Variants in LEMD1 observed in about 807,000 individuals in gnomAD.
LEMD1 encodes LEM domain containing 1.
In LEMD1, 18 loss-of-function variants were observed where a neutral mutation model predicts 17.4. That is an observed-to-expected ratio of 1.04 (90% CI 0.72 to 1.54). The LOEUF is 1.54. LEMD1 is among the 40% of genes most tolerant of loss of function. LEMD1 has a pLI of 0.00. For synonymous variants in LEMD1, 88 were observed against 77.8 expected (o/e 1.13, Z -0.69); for missense variants, 195 against 210.4 (o/e 0.93, Z 0.45).
chr1:205,445,756 C>T (rs1373610210), intron 1 of LEMD1, among the ~76,000 whole-genome samples: 1 of 152,152 alleles, frequency 6.6e-6, no homozygotes, highest in Non-Finnish European at 1.5e-5. Context: ...GAGTGGGCAA[C>T]GTGACAGGCA....
At chr1:205,447,753 G>A (rs1293650593) in intron 1 of LEMD1, among the ~76,000 whole-genome samples, 2 of 83,408 alleles carry the variant, frequency 2.4e-5, no homozygotes, top group African/African-American at 6.7e-5. Flanking sequence ...CCTGTCGCCC[G>A]GGGGAGCGCC....
In LEMD1 at chr1:205,409,605, CTT is replaced by C. The variant is rs55893508; in HGVS notation, c.270+6625_270+6626del. 9.0e-3 allele frequency among the ~76,000 whole-genome samples: 1,308 copies of C among 145,842 alleles called. 12 individuals carry two copies. The highest frequency in any genetic ancestry group is 0.03 in the African/African-American group (1,184 of 39,848). On this transcript the variant is annotated intron_variant, in intron 4 of 5. Transcript: ENST00000367153. ...AACCCAGGCAGTCTGGCTCTACAGT[CTT>C]TTTTTTTTTTTAAGAGAAGGCCTCA...
chr1:205,411,691 GA>G (rs1665456420), intron 4 of LEMD1, among the ~76,000 whole-genome samples: 1 of 148,094 alleles, frequency 6.8e-6, no homozygotes, highest in Non-Finnish European at 1.5e-5. Flanking sequence ...AAGAAAGAAA[GA>G]AAGAAAAAGG....
At chr1:205,432,325 C>T (rs1315408216) in intron 1 of LEMD1, among the ~76,000 whole-genome samples, 1 of 152,192 alleles carries the variant, frequency 6.6e-6, no homozygotes, top group Non-Finnish European at 1.5e-5. Flanking sequence ...CCCGGTCTCC[C>T]ACCGGCTTGG....
chr1:205,391,936 C>T (rs192035920), intron 4 of LEMD1, among the ~76,000 whole-genome samples: 211 of 138,336 alleles, frequency 1.5e-3, no homozygotes, highest in Non-Finnish European at 2.5e-3. Context: ...GGTGAAACCT[C>T]GTCTCTACCG....
At chr1:205,431,183 A>G (rs1455107242) in intron 1 of LEMD1, among the ~76,000 whole-genome samples, 1 of 152,216 alleles carries the variant, frequency 6.6e-6, no homozygotes, top group Non-Finnish European at 1.5e-5. Flanking sequence ...CCAACACACA[A>G]GTGAACTAAT....
rs901376676 is a variant in LEMD1 at position 205,441,187 on chromosome 1, C to A, written c.-39+8681G>T. ...GTCATTGCCACTCCCTGAGGCGGCC[C>A]GCTAGGTCTCTCACACCGGCTGGGG... On this transcript the variant is annotated intron_variant, in intron 1 of 3. Coordinates refer to the LEMD1 transcript ENST00000367154. The surrounding 1 kb of genome is among the most constrained non-coding windows in gnomAD (Gnocchi z 4.3). 1.3e-5 allele frequency: 2 copies of A among 152,254 alleles called. No individual in the cohort carries two copies. The highest frequency in any genetic ancestry group is 1.9e-4 in the East Asian group (1 of 5,182). 9.4% of individuals were successfully genotyped at this position (152,254 alleles called of 1,614,324 possible). A position where few individuals can be genotyped will look rare whatever the true frequency, so the allele number is the denominator to read the frequency against.
At chr1:205,409,738 A>G (rs1293679834) in intron 4 of LEMD1, among the ~76,000 whole-genome samples, 1 of 150,002 alleles carries the variant, frequency 6.7e-6, no homozygotes, top group Non-Finnish European at 1.5e-5. Flanking sequence ...GTAGCTTGGG[A>G]CCACAAGCAT....
At chr1:205,427,484 TGAGAGAGAGA>T (rs3973968) in intron 1 of LEMD1, among the ~76,000 whole-genome samples, 2 of 147,348 alleles carry the variant, frequency 1.4e-5, no homozygotes, top group South Asian at 2.2e-4. Context: ...AAAGAACATT[TGAGAGAGAGA>T]GAGAGAGAGA....
chr1:205,428,384 G>A (rs1397796022), intron 1 of LEMD1, among the ~76,000 whole-genome samples: 1 of 152,158 alleles, frequency 6.6e-6, no homozygotes, highest in Non-Finnish European at 1.5e-5. Flanking sequence ...ATATCGTTAG[G>A]TTGCAGCAAA....
At chr1:205,402,709 T>C (rs1450121225) in intron 4 of LEMD1, among the ~76,000 whole-genome samples, 1 of 151,038 alleles carries the variant, frequency 6.6e-6, no homozygotes, top group Non-Finnish European at 1.5e-5. Flanking sequence ...TCCTGCCTAA[T>C]TGCCCTGGCC....
intron 3 of LEMD1, among the ~76,000 whole-genome samples, chr1:205,417,454 A>G (rs1474738486): frequency 2.6e-5 from 4 of 152,186 alleles, no homozygotes; most frequent in South Asian, 4.1e-4. Flanking sequence ...GAAATCTTCA[A>G]CCTGGCATTG....
chr1:205,414,302 G>T (rs1407331657), intron 4 of LEMD1, among the ~76,000 whole-genome samples: 7 of 151,950 alleles, frequency 4.6e-5, no homozygotes, highest in Non-Finnish European at 1.5e-5. Flanking sequence ...TAATATGGAG[G>T]CCGGGCAAGG....
chr1:205,419,664 C>G (rs941517909), intron 2 of LEMD1, among the ~76,000 whole-genome samples: 1 of 152,174 alleles, frequency 6.6e-6, no homozygotes, highest in Non-Finnish European at 1.5e-5. Context: ...CGAGGTTTCG[C>G]CATGTTGGCC....
intron 5 of LEMD1, among the ~76,000 whole-genome samples, chr1:205,383,699 T>C (rs1663841477): frequency 1.3e-5 from 2 of 151,184 alleles, no homozygotes; most frequent in African/African-American, 4.9e-5. Context: ...AGTGGCATGA[T>C]CTCGGCTCAC....
At chr1:205,404,866 T>A (rs1199959968) in intron 4 of LEMD1, among the ~76,000 whole-genome samples, 1 of 152,192 alleles carries the variant, frequency 6.6e-6, no homozygotes, top group Non-Finnish European at 1.5e-5. Flanking sequence ...TGTTTAGTGC[T>A]TCCTTCAGGA....
rs560678491 is a variant in LEMD1 at position 205,390,302 on chromosome 1, C to A, written c.271-5938G>T. ...CCTGGGAGGTGGAGGTTGCAGTGAG[C>A]CGAGATTACGCCACTGCACTCCAGC... On this transcript the variant is annotated intron_variant, in intron 4 of 5. Coordinates refer to ENST00000367153, the MANE Select transcript of LEMD1 (RefSeq NM_001199050.2). Among the ~76,000 whole-genome samples, 3 of 151,884 alleles carry A rather than the reference C, an allele frequency of 2.0e-5. No individual in the cohort carries two copies. In the South Asian group the frequency reaches 6.2e-4, roughly 32 times the overall value.
In LEMD1 at chr1:205,396,816, A is replaced by G. The variant is rs573314031; in HGVS notation, c.271-12452T>C. Among the ~76,000 whole-genome samples the G allele has an allele frequency of 2.6e-5, 4 of 152,302 alleles. No individual in the cohort carries two copies. The South Asian group carries it at 8.3e-4, about 32-fold the overall frequency. Reference sequence around the variant, plus strand: ...TTCAGGTTAGTGGTTGCCATGGGGGAAAAGGAAGATGTCCCAAGAGGGATA... The same window carrying G: ...TTCAGGTTAGTGGTTGCCATGGGGGGAAAGGAAGATGTCCCAAGAGGGATA... On this transcript the variant is annotated intron_variant, in intron 4 of 5. Coordinates refer to ENST00000367153, the MANE Select transcript of LEMD1 (RefSeq NM_001199050.2).
In LEMD1 at chr1:205,441,260, C is replaced by G. The variant is rs1157921507; in HGVS notation, c.-39+8608G>C. On this transcript the variant is annotated intron_variant, in intron 1 of 3. Coordinates refer to the LEMD1 transcript ENST00000367154. The surrounding 1 kb of genome is among the most constrained non-coding windows in gnomAD (Gnocchi z 4.3). ...CAGCTCTTTGAAACCTCAGTGTTTC[C>G]TGATCTGTGTGGAGCTGATGTCATT... 6.6e-6 allele frequency among the ~76,000 whole-genome samples: 1 copy of G among 152,166 alleles called. No homozygotes were observed. The highest frequency in any genetic ancestry group is 1.5e-5 in the Non-Finnish European group (1 of 68,024).
Sources: gnomAD v4.1 joint callset for allele counts (sites outside exome capture counted in the v4.1 genomes callset) on GRCh38, gnomAD v4.1.1 for gene constraint, Gnocchi (gnomAD v3.1) non-coding constraint, MANE v1.5 for transcripts, NCBI Gene and HGNC (gene_info 2026-07-23, HGNC 2026-07-21) for gene names.